The following ANK2 variants were observed in gnomAD, a reference collection of about 807,000 sequenced individuals.
ANK2 encodes the protein ankyrin-2.
In ANK2, 83 loss-of-function variants were observed where a neutral mutation model predicts 360.5. The observed-to-expected ratio is 0.23, with a 90% CI of 0.19 to 0.28. The LOEUF (loss-of-function observed/expected upper bound fraction) is 0.28, where lower values mean the gene tolerates loss of function less well. Ranked by LOEUF, ANK2 falls within the 10% of genes least tolerant of loss-of-function variation. The pLI is 1.00. For synonymous variants in ANK2, 1,740 were observed against 1,759.5 expected (o/e 0.99, Z 0.28); for missense variants, 4,201 against 4,795.7 (o/e 0.88, Z 3.66).
In ANK2 at chr4:112,932,491, C is replaced by CAA. The variant is rs750709290; in HGVS notation, c.21+27997_21+27998dup. 8.7e-3 allele frequency among the ~76,000 whole-genome samples: 472 copies of CAA among 54,160 alleles called. 10 individuals are homozygous for CAA. The highest frequency in any genetic ancestry group is 0.026 in the African/African-American group (402 of 15,270). The allele number at this position is 54,160 out of a possible 152,430, so 35.5% of individuals were successfully genotyped here. ...TGGGTGACAGAGTGAGACTCCGTCT[C>CAA]AAAAAAAAAAAAAAAAAAAAAGATA... On this transcript the variant is annotated intron_variant, in intron 2 of 30. Coordinates refer to the ANK2 transcript ENST00000503271.
chr4:112,818,710 G>A (rs2056091984), intron 1 of ANK2, among the ~76,000 whole-genome samples: 2 of 152,112 alleles, frequency 1.3e-5, no homozygotes, highest in Admixed American at 1.3e-4. Context: ...CTCTGCATTG[G>A]GTGAGTAGGT....
chr4:113,373,055 A>G, intron 43 of ANK2, 35 bp from the exon 44 acceptor site: 1 of 1,573,208 alleles, frequency 6.4e-7, no homozygotes, highest in Non-Finnish European at 8.8e-7. Flanking sequence ...ATTGGTGCCA[A>G]ACACCACAGT....
At chr4:113,333,272 T>G in intron 29 of ANK2, 64 bp downstream of exon 29, 1 of 1,592,432 alleles carries the variant, frequency 6.3e-7, no homozygotes, top group Admixed American at 1.7e-5. Flanking sequence ...ATTCATTTCT[T>G]TCTTATGACC....
At chr4:112,735,471 A>G in the ANK2 span, among the ~76,000 whole-genome samples, 1 of 151,976 alleles carries the variant, frequency 6.6e-6, no homozygotes, top group East Asian at 1.9e-4. Flanking sequence ...AGCCTCTTCC[A>G]CCTCCCCAAT....
chr4:112,957,185 G>A (rs1208978634), intron 2 of ANK2, among the ~76,000 whole-genome samples: 2 of 151,318 alleles, frequency 1.3e-5, no homozygotes, highest in Non-Finnish European at 2.9e-5. Context: ...TTGTGTCCCT[G>A]GGTACTTGAG....
chr4:112,817,834 A>C (rs1477365402), upstream of ANK2, among the ~76,000 whole-genome samples: 1 of 152,154 alleles, frequency 6.6e-6, no homozygotes, highest in Non-Finnish European at 1.5e-5. Flanking sequence ...TATATCTGAT[A>C]CATTTAGGCT....
intron 2 of ANK2, among the ~76,000 whole-genome samples, chr4:113,029,903 A>G (rs2060042542): frequency 6.6e-6 from 1 of 152,182 alleles, no homozygotes; most frequent in African/African-American, 2.4e-5. Flanking sequence ...TCATTTGATT[A>G]GCATCCATAC....
At chr4:112,892,474 T>C (rs888363543) in intron 1 of ANK2, among the ~76,000 whole-genome samples, 2 of 152,216 alleles carry the variant, frequency 1.3e-5, no homozygotes, top group East Asian at 1.9e-4. Flanking sequence ...CTGCTTATTA[T>C]AGAAACTCAA....
At chr4:113,109,244 T>G (rs761734119) in intron 1 of ANK2, among the ~76,000 whole-genome samples, 27 of 152,216 alleles carry the variant, frequency 1.8e-4, no homozygotes, top group Non-Finnish European at 3.2e-4. Flanking sequence ...TCCCTTTTGT[T>G]TCACAGTGCC....
At chr4:112,974,289 AT>A (rs1231480081) in intron 2 of ANK2, among the ~76,000 whole-genome samples, 1 of 152,200 alleles carries the variant, frequency 6.6e-6, no homozygotes, top group Non-Finnish European at 1.5e-5. Context: ...AGCAATACAG[AT>A]TTAGCAAGAA....
chr4:113,028,772 C>A (rs1467134459), intron 2 of ANK2, among the ~76,000 whole-genome samples: 2 of 152,072 alleles, frequency 1.3e-5, no homozygotes, highest in Non-Finnish European at 2.9e-5. Flanking sequence ...ATGATTTTAT[C>A]TGAGACAACA....
intron 1 of ANK2, among the ~76,000 whole-genome samples, chr4:113,064,295 T>C (rs2154336302): frequency 6.6e-6 from 1 of 152,312 alleles, no homozygotes; most frequent in South Asian, 2.1e-4. Context: ...CCTCATCATC[T>C]CTGTGTACAC....
At chr4:113,075,559 A>G (rs2079574356) in intron 1 of ANK2, among the ~76,000 whole-genome samples, 1 of 152,180 alleles carries the variant, frequency 6.6e-6, no homozygotes, top group East Asian at 1.9e-4. Context: ...GGCAGATGGA[A>G]CAGAAAGACA....
At chr4:112,874,581 G>A (rs967762570) in intron 1 of ANK2, among the ~76,000 whole-genome samples, 5 of 145,142 alleles carry the variant, frequency 3.4e-5, no homozygotes, top group African/African-American at 1.3e-4. Flanking sequence ...GGCGGAGGTT[G>A]CAGTGAGCCA....
At chr4:113,023,071 C>T (rs1218853173) in intron 2 of ANK2, among the ~76,000 whole-genome samples, 1 of 151,920 alleles carries the variant, frequency 6.6e-6, no homozygotes, top group Non-Finnish European at 1.5e-5. Flanking sequence ...ACTACCAGGG[C>T]ACATGTTTAC....
At chr4:113,014,799 A>G (rs1008852012) in intron 2 of ANK2, among the ~76,000 whole-genome samples, 3 of 145,768 alleles carry the variant, frequency 2.1e-5, no homozygotes, top group Non-Finnish European at 4.5e-5. Context: ...CAATAATCTC[A>G]TCATATTGGA....
chr4:112,922,309 AG>A (rs2091724920), intron 2 of ANK2, among the ~76,000 whole-genome samples: 1 of 152,168 alleles, frequency 6.6e-6, no homozygotes, highest in South Asian at 2.1e-4. Flanking sequence ...ATGTAGCCCA[AG>A]GGTCCTATAT....
intron 26 of ANK2, among the ~76,000 whole-genome samples, chr4:113,320,039 T>C (rs1008496431): frequency 3.9e-5 from 6 of 152,226 alleles, no homozygotes; most frequent in Non-Finnish European, 8.8e-5. Context: ...ATACTTCAGT[T>C]TGCAAAATAA....
chr4:113,355,343 C>T lies in ANK2; in HGVS notation c.6725C>T (p.Thr2242Met), dbSNP rs376408404. Residue 2242 changes from threonine to methionine, a missense_variant, in exon 38 of 46, where the codon ACG (threonine) becomes ATG (methionine). Coordinates refer to ENST00000357077, the MANE Select transcript of ANK2 (RefSeq NM_001148.6). ...KHEGLAETPE[T>M]SPESLSFSPK... ...GAAGGCCTAGCAGAGACCCCTGAGA[C>T]GAGCCCAGAAAGCCTTTCTTTCTCA... The T allele has an allele frequency of 4.7e-5, 76 of 1,613,878 alleles. No individual in the cohort carries two copies. The East Asian group carries it at 1.0e-3, about 21-fold the overall frequency.
Sources: allele counts gnomAD v4.1 joint callset (sites outside exome capture counted in the v4.1 genomes callset), GRCh38; gene constraint gnomAD v4.1.1; transcripts MANE v1.5; gene names NCBI Gene and HGNC (gene_info 2026-07-23, HGNC 2026-07-21).